The following SQOR variants were observed in gnomAD, a reference collection of about 807,000 sequenced individuals.
The protein encoded by SQOR is sulfide quinone oxidoreductase.
A neutral mutation model predicts 48.6 loss-of-function variants in SQOR; 39 were observed. The observed-to-expected ratio is 0.80, with a 90% CI of 0.62 to 1.05. The LOEUF is 1.05. SQOR is among the 50% of genes least tolerant of loss of function. SQOR has a pLI of 0.00. For missense variants in SQOR, 561 were observed against 559.9 expected, an observed-to-expected ratio of 1.00 and a Z score of -0.02; for synonymous variants, 220 against 206.2, an observed-to-expected ratio of 1.07 and a Z score of -0.57.
upstream of SQOR, chr15:45,631,886 A>G (rs1455767775): frequency 6.6e-6 from 1 of 151,948 alleles, no homozygotes; most frequent in Non-Finnish European, 1.5e-5. Context: ...TTCCTCGCAA[A>G]CTTCACATGG....
intron 5 of SQOR, among the ~76,000 whole-genome samples, 175 bp from the exon 6 acceptor site, chr15:45,675,926 T>C (rs1890027649): frequency 6.6e-6 from 1 of 152,118 alleles, no homozygotes; most frequent in Non-Finnish European, 1.5e-5. Context: ...TTGTATGTCA[T>C]GGGCAGAACA....
rs368891735 is a variant in SQOR at position 45,661,837 on chromosome 15, A to T, written c.235-118A>T. On this transcript the variant is annotated intron_variant, in intron 2 of 9. Transcript: ENST00000260324. ...GAGCTAACTTTGTGGAGACTTTTCC[A>T]TACGATGCTCTAAAGGTCAGGAGGG... is the stretch of plus-strand genomic sequence containing the variant. 1.0e-5 allele frequency: 11 copies of T among 1,087,574 alleles called. No individual in the cohort carries two copies. The African/African-American group carries it at 1.7e-4, about 17-fold the overall frequency. The allele number at this position is 1,087,574 out of a possible 1,614,324, so 67.4% of individuals were successfully genotyped here.
At chr15:45,636,068 A>C (rs970209416) in intron 1 of SQOR, among the ~76,000 whole-genome samples, 2 of 152,108 alleles carry the variant, frequency 1.3e-5, no homozygotes, top group Non-Finnish European at 2.9e-5. Context: ...GCCTCAAATG[A>C]TCCGCACACT....
chr15:45,690,583 A>G (rs138784843), intron 9 of SQOR, among the ~76,000 whole-genome samples: 167 of 152,330 alleles, frequency 1.1e-3, no homozygotes, highest in African/African-American at 3.9e-3. Context: ...GGATACTGCT[A>G]AACGTCCTAT....
chr15:45,658,186 A>C (rs958168640), intron 1 of SQOR, among the ~76,000 whole-genome samples: 3 of 152,218 alleles, frequency 2.0e-5, no homozygotes, highest in Non-Finnish European at 2.9e-5. Flanking sequence ...CCTTCCATAA[A>C]ATATAACTTT....
intron 1 of SQOR, among the ~76,000 whole-genome samples, chr15:45,643,087 A>C (rs1182894336): frequency 6.6e-6 from 1 of 152,198 alleles, no homozygotes; most frequent in African/African-American, 2.4e-5. Context: ...TCCCATGTAA[A>C]GCCTCAATGC....
At chr15:45,679,601 T>C (rs905865512) in intron 6 of SQOR, among the ~76,000 whole-genome samples, 1 of 152,150 alleles carries the variant, frequency 6.6e-6, no homozygotes, top group Admixed American at 6.5e-5. Flanking sequence ...CTTGGGAGGC[T>C]GAGGCAGAGA....
At chr15:45,641,539 G>A (rs1895104418) in intron 1 of SQOR, among the ~76,000 whole-genome samples, 1 of 152,192 alleles carries the variant, frequency 6.6e-6, no homozygotes, top group South Asian at 2.1e-4. Context: ...AGCTCCAGAG[G>A]GAGAGTTTCA....
At position 45,673,316 on chromosome 15, in the gene SQOR, G is replaced by A. The variant is rs543544415; in HGVS notation, c.460-291G>A. On this transcript the variant is annotated intron_variant, in intron 4 of 9. Coordinates refer to ENST00000260324, the MANE Select transcript of SQOR (RefSeq NM_021199.4). ...GGTCTCCTAAAAGGAAGGCTGGCTGGCGTCTTGTCCTCACTCCGATGGTGG... is the reference window on the plus strand; with the variant it reads ...GGTCTCCTAAAAGGAAGGCTGGCTGACGTCTTGTCCTCACTCCGATGGTGG... Among the ~76,000 whole-genome samples, 3 of 152,268 alleles carry A rather than the reference G, an allele frequency of 2.0e-5. No individual in the cohort carries two copies. The South Asian group carries it at 6.2e-4, about 32-fold the overall frequency.
intron 1 of SQOR, among the ~76,000 whole-genome samples, chr15:45,645,719 G>A (rs1317429547): frequency 6.6e-6 from 1 of 152,200 alleles, no homozygotes; most frequent in Non-Finnish European, 1.5e-5. Context: ...TCTTCAGCCT[G>A]CTGACTACAG....
intron 1 of SQOR, 23 bp downstream of exon 1, chr15:45,635,131 C>T (rs1056875929): frequency 3.9e-5 from 6 of 152,420 alleles, no homozygotes; most frequent in African/African-American, 1.4e-4. Flanking sequence ...CGCGGCCGAT[C>T]TTTGGCCCTG....
intron 1 of SQOR, among the ~76,000 whole-genome samples, chr15:45,653,459 G>A (rs1190657700): frequency 1.3e-5 from 2 of 152,286 alleles, no homozygotes; most frequent in African/African-American, 2.4e-5. Context: ...GACATATGGG[G>A]CAAGGTAGCA....
Position 45,682,544 on chromosome 15 carries a change from G to T in SQOR, c.931G>T (p.Asp311Tyr). The change falls in exon 7 of 10, where the codon GAT (aspartate) becomes TAT (tyrosine). Residue 311 changes from aspartate to tyrosine, a missense_variant. Physicochemically the swap from Asp to Tyr is radical, Grantham distance 160. Transcript: ENST00000260324. ...PDVLKTSPVADAAGWVDVDKE... is the reference protein window; with the variant it reads ...PDVLKTSPVAYAAGWVDVDKE... ...TGTCCTCAAGACCAGTCCTGTGGCT[G>T]ATGCTGCTGGTTGGGTGGATGTGGA... 6.2e-7 allele frequency: 1 copy of T among 1,614,212 alleles called. No homozygotes were observed. Among genetic ancestry groups the T allele is most frequent in the Non-Finnish European group, 8.5e-7 (1 of 1,180,036 alleles).
intron 3 of SQOR, among the ~76,000 whole-genome samples, chr15:45,665,237 G>C (rs1290330861): frequency 6.6e-6 from 1 of 152,232 alleles, no homozygotes; most frequent in Non-Finnish European, 1.5e-5. Context: ...GAAAGCTGTA[G>C]TGTCTTGTTT....
At chr15:45,641,367 CT>C (rs1566913413) in intron 1 of SQOR, among the ~76,000 whole-genome samples, 1 of 152,166 alleles carries the variant, frequency 6.6e-6, no homozygotes, top group African/African-American at 2.4e-5. Flanking sequence ...AGTTTTGCCC[CT>C]GAAGAGTGAG....
intron 1 of SQOR, among the ~76,000 whole-genome samples, 185 bp downstream of exon 1, chr15:45,635,293 C>A (rs1894983210): frequency 6.6e-6 from 1 of 152,218 alleles, no homozygotes; most frequent in Non-Finnish European, 1.5e-5. Context: ...CTCTTGCTGC[C>A]CTTGTCTGGA....
chr15:45,669,878 G>C, intron 3 of SQOR, 50 bp from the exon 4 acceptor site: 5 of 1,542,440 alleles, frequency 3.2e-6, no homozygotes, highest in Non-Finnish European at 4.5e-6. Context: ...CAGTCCTTGA[G>C]TTGATGCTTC....
chr15:45,681,342 C>T (rs568716468), intron 6 of SQOR, among the ~76,000 whole-genome samples: 1 of 152,352 alleles, frequency 6.6e-6, no homozygotes, highest in South Asian at 2.1e-4. Flanking sequence ...CTCAGGGACC[C>T]ATGTGCCCAA....
At chr15:45,657,526 C>A (rs1889632982) in intron 1 of SQOR, among the ~76,000 whole-genome samples, 1 of 152,146 alleles carries the variant, frequency 6.6e-6, no homozygotes, top group South Asian at 2.1e-4. Context: ...GCCTCCAAAT[C>A]CCCTTCCTAC....
Sources: gnomAD v4.1 joint callset for allele counts (sites outside exome capture counted in the v4.1 genomes callset) on GRCh38, gnomAD v4.1.1 for gene constraint, MANE v1.5 for transcripts, NCBI Gene and HGNC (gene_info 2026-07-23, HGNC 2026-07-21) for gene names.